Variants in ZNF93 observed in about 807,000 individuals in gnomAD.
ZNF93 encodes the protein zinc finger protein 93, also known as zinc finger protein 505.
A neutral mutation model predicts 45.0 loss-of-function variants in ZNF93; 29 were observed. That is an observed-to-expected ratio of 0.64 (90% CI 0.48 to 0.88). ZNF93 has a LOEUF of 0.88. ZNF93 is among the 40% of genes least tolerant of loss of function. ZNF93 has a pLI of 0.00. For synonymous variants in ZNF93, 223 were observed against 244.6 expected (o/e 0.91, Z 0.82); for missense variants, 578 against 724.0 (o/e 0.80, Z 2.31).
In ZNF93 at chr19:19,918,285, A is replaced by G. The variant is rs556483611; in HGVS notation, c.226+1630A>G. On this transcript the variant is annotated intron_variant, in intron 3 of 3. Transcript: ENST00000343769. ...TCCCTGCAAAGGACATGAACTCATC[A>G]TTTTTTTATGGTTGCATAGTATTCC... 1.7e-3 allele frequency among the ~76,000 whole-genome samples: 259 copies of G among 152,118 alleles called. 8 individuals carry two copies. Among genetic ancestry groups the G allele is most frequent in the Admixed American group, 2.5e-3 (38 of 15,270 alleles).
intron 2 of ZNF93, among the ~76,000 whole-genome samples, chr19:19,916,174 C>T (rs968078512): frequency 1.5e-4 from 23 of 150,610 alleles, no homozygotes; most frequent in Middle Eastern, 3.4e-3. Flanking sequence ...TCAAGCAATT[C>T]TCCTGACTCA....
chr19:19,923,440 G>A (rs561517017), intron 3 of ZNF93, among the ~76,000 whole-genome samples: 30 of 152,280 alleles, frequency 2.0e-4, no homozygotes, highest in African/African-American at 7.2e-4. Context: ...CTCCATGCTG[G>A]GAGAACCACT....
intron 1 of ZNF93, among the ~76,000 whole-genome samples, chr19:19,906,889 A>AT (rs541515055): frequency 4.0e-5 from 6 of 149,194 alleles, no homozygotes; most frequent in Non-Finnish European, 5.9e-5. Flanking sequence ...GCACTCATGG[A>AT]TTTTTTTATA....
intron 1 of ZNF93, among the ~76,000 whole-genome samples, chr19:19,905,759 AT>A (rs369477067): frequency 4.0e-4 from 58 of 145,662 alleles, no homozygotes; most frequent in East Asian, 6.0e-4. Context: ...CACCTGGCCA[AT>A]TTTTTTTTTT....
chr19:19,929,863 G>A (rs936965490), intron 3 of ZNF93, among the ~76,000 whole-genome samples: 2 of 148,220 alleles, frequency 1.3e-5, no homozygotes, highest in African/African-American at 5.0e-5. Flanking sequence ...GCGTGAACCC[G>A]GGAGGCGGAG....
chr19:19,913,145 G>A (rs2063314320), intron 1 of ZNF93, among the ~76,000 whole-genome samples: 1 of 152,174 alleles, frequency 6.6e-6, no homozygotes, highest in Non-Finnish European at 1.5e-5. Flanking sequence ...ATTGACAGGG[G>A]ACTTGTTTAA....
chr19:19,934,874 G>A lies in ZNF93; in HGVS notation c.*56G>A, dbSNP rs1422543603. 2 of 1,528,204 alleles carry A rather than the reference G, an allele frequency of 1.3e-6. No homozygotes were observed. Among genetic ancestry groups the A allele is most frequent in the Non-Finnish European group, 8.8e-7 (1 of 1,133,530 alleles). The allele number at this position is 1,528,204 out of a possible 1,614,324, so 94.7% of individuals were successfully genotyped here. A position where few individuals can be genotyped will look rare whatever the true frequency, so the allele number is the denominator to read the frequency against. ...TGGTCCTCACACCTTACTATACACT[G>A]AGAGTTCTGAACTTACTCTGTAACC... On this transcript the variant is annotated 3_prime_UTR_variant, in exon 4 of 4. Coordinates refer to ENST00000343769, the MANE Select transcript of ZNF93 (RefSeq NM_031218.4).
chr19:19,934,044 T>C lies in ZNF93; in HGVS notation c.1089T>C (p.His363=), dbSNP rs1217438799. Reference sequence around the variant, plus strand: ...CCCTTAGTAGACATGAGTTCATTCATATGGGAAAGAAACATTACAAATGTG... The same window carrying C: ...CCCTTAGTAGACATGAGTTCATTCACATGGGAAAGAAACATTACAAATGTG... ...SSTLSRHEFI[H]MGKKHYKCEE... is the part of the protein sequence containing the mutation. Residue 363 remains histidine, a synonymous_variant, in exon 4 of 4, where the codon CAT becomes CAC. Coordinates refer to ENST00000343769, the MANE Select transcript of ZNF93 (RefSeq NM_031218.4). The C allele has an allele frequency of 6.2e-7, 1 of 1,613,162 alleles. No homozygotes were observed. Among genetic ancestry groups the C allele is most frequent in the Non-Finnish European group, 8.5e-7 (1 of 1,179,576 alleles).
intron 1 of ZNF93, among the ~76,000 whole-genome samples, chr19:19,913,824 G>GA (rs369199282): frequency 1.1e-3 from 169 of 150,322 alleles, no homozygotes; most frequent in African/African-American, 3.4e-3. Flanking sequence ...GGAGGAGAAA[G>GA]AAAAAAAAAT....
intron 3 of ZNF93, among the ~76,000 whole-genome samples, chr19:19,931,376 A>G (rs1406533559): frequency 6.6e-6 from 1 of 152,032 alleles, no homozygotes; most frequent in African/African-American, 2.4e-5. Flanking sequence ...AGTTTAGTAG[A>G]GACGGGATTT....
chr19:19,914,772 C>T (rs73925537), intron 1 of ZNF93: 16,144 of 387,348 alleles, frequency 0.042, 1,484 homozygotes, highest in African/African-American at 0.25. Flanking sequence ...CTTCCACTTA[C>T]TGGATGTTTG....
chr19:19,905,156 G>T (rs187684491), intron 1 of ZNF93, among the ~76,000 whole-genome samples: 1 of 151,832 alleles, frequency 6.6e-6, no homozygotes, highest in African/African-American at 2.4e-5. Context: ...ACTATCTGTA[G>T]CAAAAATCAG....
rs572666042 is a variant in ZNF93, at chr19:19,915,352, C to T, written c.76C>T (p.Arg26Trp). Residue 26 changes from arginine (R) to tryptophan (W), a missense_variant, in exon 2 of 4, where the codon CGG (arginine) becomes TGG (tryptophan). Coordinates refer to ENST00000343769, the MANE Select transcript of ZNF93 (RefSeq NM_031218.4). ...EEWHCLDTAQ[R>W]NLYRNVMLEN... is the part of the protein sequence containing the mutation. Reference sequence around the variant, plus strand: ...GTGGCATTGCCTGGACACTGCACAGCGGAATCTATATAGGAATGTGATGTT... The same window carrying T: ...GTGGCATTGCCTGGACACTGCACAGTGGAATCTATATAGGAATGTGATGTT... 1.7e-5 allele frequency: 27 copies of T among 1,614,034 alleles called. No individual in the cohort carries two copies. The highest frequency in any genetic ancestry group is 1.3e-4 in the African/African-American group (10 of 75,036).
At chr19:19,908,406 C>T (rs2063298613) in intron 1 of ZNF93, 3 of 152,134 alleles carry the variant, frequency 2.0e-5, no homozygotes, top group South Asian at 4.1e-4. Context: ...CTTCATAATG[C>T]TCATGTTTCT....
At chr19:19,928,160 A>G (rs1045112801) in intron 3 of ZNF93, among the ~76,000 whole-genome samples, 16 of 152,256 alleles carry the variant, frequency 1.1e-4, no homozygotes, top group African/African-American at 3.9e-4. Flanking sequence ...AAATAAGCCA[A>G]CTTTATCAGT....
intron 1 of ZNF93, among the ~76,000 whole-genome samples, chr19:19,911,041 A>G (rs1022007543): frequency 6.6e-6 from 1 of 152,192 alleles, no homozygotes; most frequent in East Asian, 1.9e-4. Flanking sequence ...GCATCTTAGG[A>G]GTGAGAGATC....
rs150239312 is a variant in ZNF93 at position 19,934,460 on chromosome 19, T to G, written c.1505T>G (p.Ile502Ser). The change falls in exon 4 of 4, where the codon ATT (isoleucine) becomes AGT (serine). Residue 502 changes from isoleucine to serine, a missense_variant. Physicochemically the swap from Ile to Ser is moderately radical, Grantham distance 142. Coordinates refer to ENST00000343769, the MANE Select transcript of ZNF93 (RefSeq NM_031218.4). ...TCTTCCCTTACTAAACATAAGAAAA[T>G]TCATACTGGAGAGAAACCCTACAAA... ...QSSSLTKHKKIHTGEKPYKCE... is the reference protein window; with the variant it reads ...QSSSLTKHKKSHTGEKPYKCE... The G allele has an allele frequency of 6.2e-7, 1 of 1,610,704 alleles. No individual in the cohort carries two copies. The highest frequency in any genetic ancestry group is 8.5e-7 in the Non-Finnish European group (1 of 1,179,740).
At chr19:19,920,016 C>G (rs868540537) in intron 3 of ZNF93, among the ~76,000 whole-genome samples, 1 of 152,120 alleles carries the variant, frequency 6.6e-6, no homozygotes, top group Non-Finnish European at 1.5e-5. Flanking sequence ...AGAGGGCATC[C>G]CTGTCTTGTG....
intron 3 of ZNF93, among the ~76,000 whole-genome samples, chr19:19,921,997 T>C (rs908120096): frequency 6.6e-6 from 1 of 152,336 alleles, no homozygotes; most frequent in Admixed American, 6.5e-5. Context: ...TGATGTTAGC[T>C]AGTTATTTTG....
Sources: gnomAD v4.1 joint callset for allele counts (sites outside exome capture counted in the v4.1 genomes callset) on GRCh38, gnomAD v4.1.1 for gene constraint, MANE v1.5 for transcripts, NCBI Gene and HGNC (gene_info 2026-07-23, HGNC 2026-07-21) for gene names.